NEK4: variants seen among roughly 807,000 people sequenced by gnomAD.
NEK4 encodes NIMA related kinase 4, also known as serine/threonine-protein kinase Nek4.
In NEK4, 86 loss-of-function variants were observed where a neutral mutation model predicts 98.4. That is an observed-to-expected ratio of 0.87 (90% CI 0.73 to 1.05). The LOEUF is 1.05. Ranked by LOEUF, NEK4 falls within the 50% of genes least tolerant of loss-of-function variation. NEK4 has a pLI of 0.00. For missense variants in NEK4, 898 were observed against 950.3 expected (o/e 0.94, Z 0.72); for synonymous variants, 328 against 342.2 (o/e 0.96, Z 0.46).
chr3:52,741,275 C>T (rs1372399481), intron 13 of NEK4, 136 bp downstream of exon 13: 7 of 503,270 alleles, frequency 1.4e-5, no homozygotes, highest in Non-Finnish European at 2.4e-5. Context: ...ACACTTTTAG[C>T]TCCAGCATAT....
intron 2 of NEK4, among the ~76,000 whole-genome samples, chr3:52,767,571 A>G (rs1356435102): frequency 6.7e-6 from 1 of 149,782 alleles, no homozygotes; most frequent in Non-Finnish European, 1.5e-5. Context: ...AAAAAAAATT[A>G]GCCAGGTATG....
chr3:52,767,769 A>T (rs1239666262), intron 2 of NEK4, among the ~76,000 whole-genome samples: 2 of 152,178 alleles, frequency 1.3e-5, no homozygotes, highest in Non-Finnish European at 2.9e-5. Context: ...AAACATGGTC[A>T]ATTAATTCTG....
intron 6 of NEK4, chr3:52,753,476 G>A (rs566702758): frequency 1.5e-5 from 6 of 396,522 alleles, no homozygotes; most frequent in South Asian, 7.8e-5. Flanking sequence ...TGCTGAGGAC[G>A]GAAGAGTCTG....
intron 15 of NEK4, among the ~76,000 whole-genome samples, chr3:52,716,905 A>C (rs2154101942): frequency 6.6e-6 from 1 of 152,326 alleles, no homozygotes; most frequent in Middle Eastern, 3.4e-3. Context: ...AGGCCAGTGA[A>C]GGCAAGAACA....
Position 52,768,402 on chromosome 3 carries a change from T to G in NEK4, c.296A>C (p.Lys99Thr), listed in dbSNP as rs758535124. The G allele has an allele frequency of 2.9e-5, 47 of 1,614,038 alleles. No individual in the cohort carries two copies. In the East Asian group the frequency reaches 1.0e-3, roughly 34 times the overall value. ...CTGATTCTCAGGCAGAAGCTGCCCT[T>G]TCTGCTCCTTGAGCTTTCGGTACAA... ...GDLYRKLKEQ[K>T]GQLLPENQVV... Residue 99 changes from lysine (K) to threonine (T), a missense_variant, in exon 2 of 16, where the codon AAA becomes ACA. Transcript: ENST00000233027.
Position 52,768,508 on chromosome 3 carries a change from T to A in NEK4, c.190A>T (p.Asn64Tyr), listed in dbSNP as rs11543008. 3.1e-6 allele frequency: 5 copies of A among 1,614,106 alleles called. No homozygotes were observed. The highest frequency in any genetic ancestry group is 1.7e-5 in the Admixed American group (1 of 60,004). The change falls in exon 2 of 16, where the codon AAC (asparagine) becomes TAC (tyrosine). Residue 64 changes from asparagine to tyrosine, a missense_variant. Asn to Tyr is a moderately radical substitution (Grantham distance 143). Transcript: ENST00000233027. ...AQLLSQLKHP[N>Y]IVTYKESWEG... ...CATGACTCCTTGTAGGTGACAATGTTGGGATGCTTCAACTGAGACAAGAGC... is the reference window on the plus strand; with the variant it reads ...CATGACTCCTTGTAGGTGACAATGTAGGGATGCTTCAACTGAGACAAGAGC...
At chr3:52,750,906 G>A (rs542007936) in intron 7 of NEK4, among the ~76,000 whole-genome samples, 1 of 152,312 alleles carries the variant, frequency 6.6e-6, no homozygotes, top group South Asian at 2.1e-4. Flanking sequence ...ACGCTAGCCT[G>A]AGCAGCAGAG....
rs373127986 is a variant in NEK4 at position 52,746,569 on chromosome 3, G to A, written c.1677+165C>T. ...GAAGATAAAATCCTTACTCTGCTTCGAACTCACTGATATTTGAAAACTACT... is the reference window on the plus strand; with the variant it reads ...GAAGATAAAATCCTTACTCTGCTTCAAACTCACTGATATTTGAAAACTACT... On this transcript the variant is annotated intron_variant, in intron 9 of 15. Coordinates refer to ENST00000233027, the MANE Select transcript of NEK4 (RefSeq NM_003157.6). Among the ~76,000 whole-genome samples the A allele has an allele frequency of 6.6e-5, 10 of 152,172 alleles. No homozygotes were observed. The South Asian group carries it at 8.3e-4, about 13-fold the overall frequency.
chr3:52,715,637 C>A (rs962030115), intron 15 of NEK4, among the ~76,000 whole-genome samples: 4 of 152,188 alleles, frequency 2.6e-5, no homozygotes, highest in Non-Finnish European at 5.9e-5. Flanking sequence ...GATCCACCCA[C>A]CTCGGCCTCC....
chr3:52,742,397 T>TA (rs1194449874), intron 12 of NEK4, among the ~76,000 whole-genome samples: 1 of 152,098 alleles, frequency 6.6e-6, no homozygotes, highest in Non-Finnish European at 1.5e-5. Context: ...GTGAGACTGT[T>TA]AAAGTGCTTT....
At chr3:52,759,488 C>A (rs1186072886) in intron 6 of NEK4, among the ~76,000 whole-genome samples, 4 of 152,048 alleles carry the variant, frequency 2.6e-5, no homozygotes, top group Non-Finnish European at 4.4e-5. Flanking sequence ...TGCTGTATGT[C>A]ATTAATCGTT....
intron 13 of NEK4, among the ~76,000 whole-genome samples, chr3:52,739,933 T>C (rs1434037797): frequency 6.6e-6 from 1 of 152,174 alleles, no homozygotes; most frequent in African/African-American, 2.4e-5. Context: ...ACTCACAATC[T>C]TGTGGGCCTA....
At chr3:52,718,943 C>G (rs35212380) in intron 15 of NEK4, among the ~76,000 whole-genome samples, 78,407 of 151,896 alleles carry the variant, frequency 0.52, 20,529 homozygotes, top group Admixed American at 0.6. Context: ...TTTTAGTAGA[C>G]ACAGGGTTTC....
At chr3:52,720,714 C>CA (rs1477291202) in intron 15 of NEK4, among the ~76,000 whole-genome samples, 1 of 152,098 alleles carries the variant, frequency 6.6e-6, no homozygotes, top group African/African-American at 2.4e-5. Context: ...CCCAGATAAA[C>CA]AAAAGCAGAG....
chr3:52,746,252 C>T (rs777799677), intron 9 of NEK4, 42 bp from the exon 10 acceptor site: 10 of 1,579,482 alleles, frequency 6.3e-6, no homozygotes, highest in East Asian at 2.2e-5. Flanking sequence ...TCATATATAG[C>T]CCCTTCCAAT....
At chr3:52,763,741 T>C in intron 4 of NEK4, 117 bp from the exon 5 acceptor site, 1 of 699,186 alleles carries the variant, frequency 1.4e-6, no homozygotes, top group Non-Finnish European at 2.3e-6. Flanking sequence ...CAGAAAACAA[T>C]CAGTATATTA....
At chr3:52,738,301 C>T (rs574417362) in intron 14 of NEK4, among the ~76,000 whole-genome samples, 24 of 151,640 alleles carry the variant, frequency 1.6e-4, no homozygotes, top group African/African-American at 5.8e-4. Flanking sequence ...GTGATGGGGT[C>T]TATGTTGTCC....
At chr3:52,734,761 C>A in intron 15 of NEK4, 1 of 229,094 alleles carries the variant, frequency 4.4e-6, no homozygotes. Context: ...GCCAAGTCTA[C>A]AACATTGAAT....
intron 6 of NEK4, chr3:52,753,827 G>C (rs1222511574): frequency 4.6e-6 from 2 of 434,724 alleles, no homozygotes; most frequent in African/African-American, 4.1e-5. Flanking sequence ...TTATCCCTCT[G>C]TATTAAAGTG....
Sources: gnomAD v4.1 joint callset for allele counts (sites outside exome capture counted in the v4.1 genomes callset) on GRCh38, gnomAD v4.1.1 for gene constraint, MANE v1.5 for transcripts, NCBI Gene and HGNC (gene_info 2026-07-23, HGNC 2026-07-21) for gene names.